Variants in CARD10 observed in about 807,000 individuals in gnomAD.
CARD10 encodes caspase recruitment domain family member 10, also known as caspase recruitment domain-containing protein 10.
A neutral mutation model predicts 114.6 loss-of-function variants in CARD10; 49 were observed. The observed-to-expected ratio is 0.43, with a 90% CI of 0.34 to 0.54. The LOEUF (loss-of-function observed/expected upper bound fraction) is 0.54, where lower values mean the gene tolerates loss of function less well. Ranked by LOEUF, CARD10 falls within the 20% of genes least tolerant of loss-of-function variation. The pLI is 0.03. For synonymous variants in CARD10, 602 were observed against 593.2 expected (o/e 1.01, Z -0.21); for missense variants, 1,206 against 1,397.2 (o/e 0.86, Z 2.18).
chr22:37,500,457 A>G (rs1923173072), intron 11 of CARD10, among the ~76,000 whole-genome samples: 1 of 150,480 alleles, frequency 6.6e-6, no homozygotes, highest in South Asian at 2.1e-4. Context: ...CCACCTGACT[A>G]TCTGTCAGCC....
At chr22:37,499,078 C>A (rs1256787953) in intron 11 of CARD10, among the ~76,000 whole-genome samples, 1 of 152,072 alleles carries the variant, frequency 6.6e-6, no homozygotes, top group East Asian at 1.9e-4. Flanking sequence ...TCCCCCACCC[C>A]GCTCCCGCCA....
intron 3 of CARD10, among the ~76,000 whole-genome samples, chr22:37,514,105 A>C (rs1438094420): frequency 1.8e-4 from 1 of 5,558 alleles, no homozygotes; most frequent in South Asian, 8.5e-3. Context: ...CTCCATCTCA[A>C]AAAAAAAAAA....
At chr22:37,497,421 G>A (rs1195068769) in intron 11 of CARD10, among the ~76,000 whole-genome samples, 1 of 152,150 alleles carries the variant, frequency 6.6e-6, no homozygotes, top group Non-Finnish European at 1.5e-5. Flanking sequence ...TGGAGCCTGC[G>A]TGCCACAGAG....
rs1255514107 is a variant in CARD10 at position 37,517,971 on chromosome 22, C to G, written c.373G>C (p.Asp125His). 2.5e-6 allele frequency: 4 copies of G among 1,613,030 alleles called. No individual in the cohort carries two copies. Among genetic ancestry groups the G allele is most frequent in the Non-Finnish European group, 3.4e-6 (4 of 1,179,356 alleles). Residue 125 changes from aspartate to histidine, a missense_variant and splice_region_variant, in exon 2 of 20, where the codon GAT (aspartate) becomes CAT (histidine). Asp to His is a moderately conservative substitution (Grantham distance 81). Transcript: ENST00000251973. ...CAGCATCCACCGCAGATCCACTCAC[C>G]GAGGATCATGGAGCAGCGCTGGGCG... is the stretch of plus-strand genomic sequence containing the variant. ...EPAQRCSMIL[D>H]EEGPEGLTQF...
In CARD10 at chr22:37,491,835, AC is replaced by A; in HGVS notation, c.2783del (p.Gly928ValfsTer19). 6.3e-7 allele frequency: 1 copy of A among 1,596,610 alleles called. No homozygotes were observed. The highest frequency in any genetic ancestry group is 8.5e-7 in the Non-Finnish European group (1 of 1,172,396). ...KHCLLELGAR[G>X]VRELVQNEIY... Reference sequence around the variant, plus strand: ...TCTCGTTCTGCACCAGCTCCCGCACACCCCGAGCACCCAGCTCCAGCAGGCA... The same window carrying A: ...TCTCGTTCTGCACCAGCTCCCGCACACCCGAGCACCCAGCTCCAGCAGGCA... On this transcript the variant is annotated frameshift_variant, in exon 19 of 20. Coordinates refer to ENST00000251973, the MANE Select transcript of CARD10 (RefSeq NM_014550.4). LOFTEE classifies it high-confidence loss of function.
chr22:37,515,927 A>G, intron 3 of CARD10, 46 bp downstream of exon 3: 1 of 1,465,854 alleles, frequency 6.8e-7, no homozygotes, highest in Non-Finnish European at 9.2e-7. Context: ...ACATTGCAAA[A>G]GCTGCCCCTT....
At chr22:37,511,972 TG>T (rs928500901) in intron 3 of CARD10, 4 of 152,398 alleles carry the variant, frequency 2.6e-5, no homozygotes, top group African/African-American at 9.6e-5. Flanking sequence ...GTCAATCCCC[TG>T]GCCCCATCAT....
chr22:37,504,649 C>A lies in CARD10; in HGVS notation c.1504G>T (p.Glu502Ter). 1 of 1,509,842 alleles carries A rather than the reference C, an allele frequency of 6.6e-7. No individual in the cohort carries two copies. Among genetic ancestry groups the A allele is most frequent in the South Asian group, 1.4e-5 (1 of 73,464 alleles). 93.5% of individuals were successfully genotyped at this position (1,509,842 alleles called of 1,614,324 possible). The change falls in exon 8 of 20, where the codon GAG becomes TAG. Residue 502 changes from glutamate to a stop codon, truncating the protein, a stop_gained. Coordinates refer to ENST00000251973, the MANE Select transcript of CARD10 (RefSeq NM_014550.4). LOFTEE classifies it high-confidence loss of function. ...AGTTGTCTTACCGAGTTGTGAGGCT[C>A]AGGTCCCCCCATGACAGCTGCCTCC... The part of the protein sequence containing the change: ...TGEAAVMGGP[E>*]PHNSEEATDS...
At chr22:37,507,993 G>A in intron 5 of CARD10, 39 bp from the exon 6 acceptor site, 1 of 1,611,136 alleles carries the variant, frequency 6.2e-7, no homozygotes, top group Non-Finnish European at 8.5e-7. Context: ...CACAGGGCTG[G>A]GGACCATGAG....
chr22:37,513,356 C>T (rs1017907120), intron 3 of CARD10, among the ~76,000 whole-genome samples: 2 of 152,110 alleles, frequency 1.3e-5, no homozygotes, highest in South Asian at 2.1e-4. Flanking sequence ...ATGATCCACC[C>T]GCCTCAGCCT....
chr22:37,491,313 A>G lies in CARD10; in HGVS notation c.2945T>C (p.Leu982Pro). 1 of 1,562,230 alleles carries G rather than the reference A, an allele frequency of 6.4e-7. No homozygotes were observed. The highest frequency in any genetic ancestry group is 8.6e-7 in the Non-Finnish European group (1 of 1,159,984). ...GGGCACCTGCACCCAGGAGCAGGGC[A>G]GCCCCCAGAGCACCTGCTCTGAGCC... ...CRGSEQVLWG[L>P]PCSWVQVPAH... The change falls in exon 20 of 20, where the codon CTG (leucine) becomes CCG (proline). Residue 982 changes from leucine to proline, a missense_variant. Leu to Pro is a moderately conservative substitution (Grantham distance 98). Coordinates refer to ENST00000251973, the MANE Select transcript of CARD10 (RefSeq NM_014550.4).
chr22:37,504,778 G>A lies in CARD10; in HGVS notation c.1384-9C>T, dbSNP rs745783782. The stretch of plus-strand genomic sequence containing the variant: ...TGGGAGGAGGCACAGGCCTGGAAGA[G>A]GGAGAGGAGAGGAAGGAGGTGAGCA... On this transcript the variant is annotated splice_polypyrimidine_tract_variant and intron_variant, in intron 7 of 19. Coordinates refer to ENST00000251973, the MANE Select transcript of CARD10 (RefSeq NM_014550.4). 1.3e-6 allele frequency: 2 copies of A among 1,512,922 alleles called. No individual in the cohort carries two copies. The highest frequency in any genetic ancestry group is 1.4e-5 in the South Asian group (1 of 74,042). The allele number at this position is 1,512,922 out of a possible 1,614,324, so 93.7% of individuals were successfully genotyped here. A position where few individuals can be genotyped will look rare whatever the true frequency, so the allele number is the denominator to read the frequency against.
At position 37,501,197 on chromosome 22, in the gene CARD10, C is replaced by T. The variant is rs146492090; in HGVS notation, c.1787+1405G>A. Among the ~76,000 whole-genome samples the T allele has an allele frequency of 5.8e-4, 89 of 152,236 alleles. No homozygotes were observed. The highest frequency in any genetic ancestry group is 2.0e-3 in the African/African-American group (83 of 41,540). ...CTCTGCACCTTCCCCAGCCTGTGTT[C>T]TTCCCCAGGAACCTCTCTCCTCCCC... On this transcript the variant is annotated intron_variant, in intron 11 of 19. Transcript: ENST00000251973. This position sits in a 1 kb window ranked among gnomAD's most constrained non-coding sequence, Gnocchi z 5.4.
intron 2 of CARD10, among the ~76,000 whole-genome samples, chr22:37,517,676 G>C (rs1319151127): frequency 1.3e-5 from 2 of 152,078 alleles, no homozygotes; most frequent in African/African-American, 4.8e-5. Context: ...TGGAGCCTCT[G>C]TATTTTTTTA....
chr22:37,511,279 C>G (rs551687019), intron 3 of CARD10, among the ~76,000 whole-genome samples: 2 of 144,996 alleles, frequency 1.4e-5, no homozygotes, highest in African/African-American at 5.2e-5. Flanking sequence ...ATCACTTGAG[C>G]TTTGGGAGGT....
intron 3 of CARD10, among the ~76,000 whole-genome samples, chr22:37,513,139 C>T (rs1923719507): frequency 6.6e-6 from 1 of 152,130 alleles, no homozygotes; most frequent in African/African-American, 2.4e-5. Context: ...GAGACAGAGT[C>T]TCGCTGTGTC....
chr22:37,518,860 G>A (rs1024028672), intron 1 of CARD10, 106 bp downstream of exon 1: 9 of 1,341,518 alleles, frequency 6.7e-6, no homozygotes, highest in African/African-American at 4.5e-5. Flanking sequence ...TGCGGAGACC[G>A]AGCCCCAGGG....
intron 10 of CARD10, 124 bp downstream of exon 10, chr22:37,503,061 C>G (rs373500565): frequency 9.1e-7 from 1 of 1,101,630 alleles, no homozygotes; most frequent in Non-Finnish European, 1.3e-6. Context: ...GCAGGGGCCA[C>G]GGCGGGGCTT....
At chr22:37,502,252 G>A (rs926539387) in intron 11 of CARD10, among the ~76,000 whole-genome samples, 4 of 152,356 alleles carry the variant, frequency 2.6e-5, no homozygotes, top group African/African-American at 7.2e-5. Context: ...ATTGGGACGA[G>A]GACAGCTTGT....
Sources: allele counts gnomAD v4.1 joint callset (sites outside exome capture counted in the v4.1 genomes callset), GRCh38; gene constraint gnomAD v4.1.1; non-coding constraint Gnocchi (gnomAD v3.1); transcripts MANE v1.5; gene names NCBI Gene and HGNC (gene_info 2026-07-23, HGNC 2026-07-21).